RICTOR: variants seen among roughly 807,000 people sequenced by gnomAD.
The protein encoded by RICTOR is rapamycin-insensitive companion of mTOR.
In RICTOR, 49 loss-of-function variants were observed where a neutral mutation model predicts 214.9. That is an observed-to-expected ratio of 0.23 (90% CI 0.18 to 0.29). The LOEUF is 0.29. Ranked by LOEUF, RICTOR falls within the 10% of genes least tolerant of loss-of-function variation. The probability of loss-of-function intolerance (pLI) is 1.00; values close to 1 mark genes in which losing one functional copy is unlikely to be tolerated. For missense variants in RICTOR, 1,625 were observed against 2,047.0 expected (o/e 0.79, Z 3.98); for synonymous variants, 717 against 711.3 (o/e 1.01, Z -0.13).
chr5:39,029,494 T>C (rs551121345), intron 2 of RICTOR, among the ~76,000 whole-genome samples: 1 of 151,840 alleles, frequency 6.6e-6, no homozygotes, highest in East Asian at 1.9e-4. Flanking sequence ...ATAAACTATA[T>C]TGTTATCTTT....
chr5:38,960,372 C>G (rs775333574), intron 20 of RICTOR, 26 bp downstream of exon 20: 2 of 1,604,234 alleles, frequency 1.2e-6, no homozygotes, highest in South Asian at 1.1e-5. Flanking sequence ...AAAACATTTG[C>G]TCTGGAAAAT....
At chr5:39,008,152 T>C (rs1754216279) in intron 3 of RICTOR, among the ~76,000 whole-genome samples, 1 of 151,934 alleles carries the variant, frequency 6.6e-6, no homozygotes. Context: ...GGGGAAAAGA[T>C]TCTGTAAGAC....
At chr5:39,028,172 A>ATTTT (rs1580137220) in intron 2 of RICTOR, among the ~76,000 whole-genome samples, 1 of 118,650 alleles carries the variant, frequency 8.4e-6, no homozygotes, top group African/African-American at 3.4e-5. Context: ...AGCAACTGGA[A>ATTTT]TTCTTTTTTT....
intron 36 of RICTOR, chr5:38,943,262 AGGAT>A (rs767031622): frequency 2.5e-5 from 6 of 237,372 alleles, no homozygotes; most frequent in Non-Finnish European, 4.1e-5. Flanking sequence ...TTATCAGCCT[AGGAT>A]GATTAAAATA....
At chr5:38,983,075 C>G (rs1408849614) in intron 7 of RICTOR, among the ~76,000 whole-genome samples, 1 of 152,052 alleles carries the variant, frequency 6.6e-6, no homozygotes, top group East Asian at 1.9e-4. Context: ...TCTCATTATC[C>G]TAGAAAGATC....
chr5:39,048,719 A>G (rs1342163245), intron 2 of RICTOR, among the ~76,000 whole-genome samples: 1 of 152,176 alleles, frequency 6.6e-6, no homozygotes, highest in East Asian at 1.9e-4. Context: ...TGAATCACTG[A>G]ATCTAAGGAT....
chr5:38,953,437 CT>C, intron 28 of RICTOR, 23 bp downstream of exon 28: 1 of 1,049,656 alleles, frequency 9.5e-7, no homozygotes. Flanking sequence ...TTGCGAAGAT[CT>C]TACAGAAGTG....
In RICTOR at chr5:38,958,739, G is replaced by C. The variant is rs749524227; in HGVS notation, c.2271C>G (p.Thr757=). 1 of 1,610,550 alleles carries C rather than the reference G, an allele frequency of 6.2e-7. No individual in the cohort carries two copies. Among genetic ancestry groups the C allele is most frequent in the African/African-American group, 1.3e-5 (1 of 74,632 alleles). ...TCGTTTTGTTTTTATCATGTAGCTG[G>C]GTCACTAACAACTCAATTCCCCAAT... ...FNNWGIELLV[T]QLHDKNKTIS... is the part of the protein sequence containing the mutation. The change falls in exon 23 of 38, where the codon ACC becomes ACG. Residue 757 remains threonine (T), a synonymous_variant. Transcript: ENST00000357387.
intron 9 of RICTOR, among the ~76,000 whole-genome samples, chr5:38,978,087 C>T (rs906760545): frequency 3.9e-5 from 6 of 152,210 alleles, no homozygotes; most frequent in Admixed American, 2.6e-4. Flanking sequence ...AAAGTTATCT[C>T]CAAATACCTA....
chr5:38,960,053 T>C (rs1579919305), intron 20 of RICTOR, 75 bp from the exon 21 acceptor site: 27 of 980,232 alleles, frequency 2.8e-5, no homozygotes, highest in Admixed American at 2.0e-4. Context: ...TTCAATCAAG[T>C]ACAAAAACTT....
At position 38,982,468 on chromosome 5, in the gene RICTOR, C is replaced by T. The variant is rs113883004; in HGVS notation, c.584-432G>A. On this transcript the variant is annotated intron_variant, in intron 7 of 37. Coordinates refer to ENST00000357387, the MANE Select transcript of RICTOR (RefSeq NM_152756.5). ...TTAATAATTTTAAGCTCAAAAATTT[C>T]TTGCTCCAAAGATCAGGCATTTATT... is the stretch of plus-strand genomic sequence containing the variant. 1.2e-3 allele frequency among the ~76,000 whole-genome samples: 179 copies of T among 152,222 alleles called. 2 individuals are homozygous for T. Among genetic ancestry groups the T allele is most frequent in the African/African-American group, 4.2e-3 (174 of 41,552 alleles).
chr5:38,954,624 C>T lies in RICTOR; in HGVS notation c.2697+150G>A, dbSNP rs183959826. 1.4e-5 allele frequency: 8 copies of T among 573,258 alleles called. No homozygotes were observed. The East Asian group carries it at 2.3e-4, about 17-fold the overall frequency. 35.5% of individuals were successfully genotyped at this position (573,258 alleles called of 1,614,324 possible). A position where few individuals can be genotyped will look rare whatever the true frequency, so the allele number is the denominator to read the frequency against. On this transcript the variant is annotated intron_variant, in intron 27 of 37. Transcript: ENST00000357387. ...GTTAATAAATATAGAATGCCTAAGT[C>T]AATTACAAAATAGATGAATTTAAAA...
Position 38,990,812 on chromosome 5 carries a change from T to TATATGATATATGAG in RICTOR, c.583+136_583+137insCTCATATATCATAT, listed in dbSNP as rs1752701180. On this transcript the variant is annotated intron_variant, in intron 7 of 37. Transcript: ENST00000357387. Reference sequence around the variant, plus strand: ...TATGAGATATATGATATATATGAGATATATGAGATATATGATATATGAGAT... The same window carrying TATATGATATATGAG: ...TATGAGATATATGATATATATGAGATATATGATATATGAGATATGAGATATATGATATATGAGAT... 16 of 162,146 alleles carry TATATGATATATGAG rather than the reference T, an allele frequency of 9.9e-5. 1 individual carries two copies. The highest frequency in any genetic ancestry group is 1.6e-4 in the African/African-American group (3 of 18,656). The allele number at this position is 162,146 out of a possible 1,614,324, so 10.0% of individuals were successfully genotyped here.
At chr5:39,042,971 A>C (rs1757268550) in intron 2 of RICTOR, among the ~76,000 whole-genome samples, 2 of 152,126 alleles carry the variant, frequency 1.3e-5, no homozygotes, top group Admixed American at 6.6e-5. Flanking sequence ...AAAAGACAAA[A>C]AGTAACAAAT....
rs1393935806 is a variant in RICTOR, at chr5:38,938,513, TAAAG to T, written c.*3787_*3790del. 2 of 232,522 alleles carry T rather than the reference TAAAG, an allele frequency of 8.6e-6. No homozygotes were observed. Among genetic ancestry groups the T allele is most frequent in the East Asian group, 6.1e-5 (1 of 16,332 alleles). 14.4% of individuals were successfully genotyped at this position (232,522 alleles called of 1,614,324 possible). A position where few individuals can be genotyped will look rare whatever the true frequency, so the allele number is the denominator to read the frequency against. On this transcript the variant is annotated 3_prime_UTR_variant, in exon 38 of 38. Transcript: ENST00000357387. ...TATATTTTTGAAATTAAATATTCTA[TAAAG>T]AAAGTAAAACAAAATGTGCAATTTA... is the stretch of plus-strand genomic sequence containing the variant.
rs566878466 is a variant in RICTOR at position 38,942,136 on chromosome 5, G to A, written c.*168C>T. The A allele has an allele frequency of 4.7e-6, 2 of 422,098 alleles. No individual in the cohort carries two copies. Among genetic ancestry groups the A allele is most frequent in the South Asian group, 2.1e-4 (2 of 9,430 alleles). The allele number at this position is 422,098 out of a possible 1,614,324, so 26.1% of individuals were successfully genotyped here. On this transcript the variant is annotated 3_prime_UTR_variant, in exon 38 of 38. Transcript: ENST00000357387. ...CAAAGGAGAGAAGGAAGTTGTTTTG[G>A]TTAGGAAAGTCAGCAGTTCCAACTG... is the stretch of plus-strand genomic sequence containing the variant.
chr5:39,018,535 A>C (rs1755143997), intron 3 of RICTOR, among the ~76,000 whole-genome samples: 1 of 152,120 alleles, frequency 6.6e-6, no homozygotes. Context: ...GGCAATTCTT[A>C]CAATACTAAA....
intron 7 of RICTOR, among the ~76,000 whole-genome samples, chr5:38,990,051 T>C (rs924994605): frequency 2.0e-5 from 3 of 152,178 alleles, no homozygotes; most frequent in Admixed American, 6.5e-5. Context: ...CATGTGTTTA[T>C]TGCAGCACTG....
chr5:39,051,668 G>A (rs777356314), intron 2 of RICTOR, among the ~76,000 whole-genome samples: 14 of 151,920 alleles, frequency 9.2e-5, no homozygotes, highest in African/African-American at 2.9e-4. Context: ...CAGGAGAATC[G>A]CTTGAACCCA....
Sources: gnomAD v4.1 joint callset for allele counts (sites outside exome capture counted in the v4.1 genomes callset) on GRCh38, gnomAD v4.1.1 for gene constraint, MANE v1.5 for transcripts, NCBI Gene and HGNC (gene_info 2026-07-23, HGNC 2026-07-21) for gene names.